CAPZA2: variants seen among roughly 807,000 people sequenced by gnomAD.
CAPZA2 encodes F-actin-capping protein subunit alpha-2.
CAPZA2 carries 13 observed loss-of-function variants against 44.0 expected under a neutral mutation model. The observed-to-expected ratio is 0.30, with a 90% CI of 0.19 to 0.47. The LOEUF is 0.47. CAPZA2 is among the 20% of genes least tolerant of loss of function. The probability of loss-of-function intolerance (pLI) is 1.00; values close to 1 mark genes in which losing one functional copy is unlikely to be tolerated. For missense variants in CAPZA2, 244 were observed against 338.6 expected (o/e 0.72, Z 2.19); for synonymous variants, 94 against 108.2 (o/e 0.87, Z 0.81).
intron 5 of CAPZA2, among the ~76,000 whole-genome samples, chr7:116,905,573 C>T (rs1232694053): frequency 1.3e-5 from 2 of 152,136 alleles, no homozygotes; most frequent in Non-Finnish European, 2.9e-5. Context: ...GTATCTAGCT[C>T]TCTGATTATT....
chr7:116,877,674 C>G (rs915150938), intron 1 of CAPZA2, among the ~76,000 whole-genome samples: 4 of 152,236 alleles, frequency 2.6e-5, no homozygotes, highest in Non-Finnish European at 5.9e-5. Context: ...GAGCTGTAGT[C>G]TGAATCCCTG....
rs548387606 is a variant in CAPZA2 at position 116,899,728 on chromosome 7, A to G, written c.219+893A>G. Among the ~76,000 whole-genome samples the G allele has an allele frequency of 7.4e-5, 11 of 149,320 alleles. No individual in the cohort carries two copies. In the East Asian group the frequency reaches 2.0e-3, roughly 27 times the overall value. On this transcript the variant is annotated intron_variant, in intron 4 of 9. Coordinates refer to ENST00000361183, the MANE Select transcript of CAPZA2 (RefSeq NM_006136.3). ...TATTAAACATCTTTGTACCTCTTATATTAACAATTTTTTTGGGATAAATTG... is the reference window on the plus strand; with the variant it reads ...TATTAAACATCTTTGTACCTCTTATGTTAACAATTTTTTTGGGATAAATTG...
intron 1 of CAPZA2, among the ~76,000 whole-genome samples, chr7:116,883,792 T>C (rs1183612081): frequency 6.6e-6 from 1 of 152,248 alleles, no homozygotes; most frequent in Non-Finnish European, 1.5e-5. Flanking sequence ...TATATTGCCT[T>C]TTTTGGAAAC....
chr7:116,890,033 A>G lies in CAPZA2; in HGVS notation c.103+1843A>G, dbSNP rs528778478. Reference sequence around the variant, plus strand: ...AAAAAGTGGCATGTAACTTAAATTGATAATGGTGAGACTGCACTAAAGTCA... The same window carrying G: ...AAAAAGTGGCATGTAACTTAAATTGGTAATGGTGAGACTGCACTAAAGTCA... On this transcript the variant is annotated intron_variant, in intron 2 of 9. Transcript: ENST00000361183. 3.9e-5 allele frequency among the ~76,000 whole-genome samples: 6 copies of G among 152,338 alleles called. No homozygotes were observed. In the South Asian group the frequency reaches 1.0e-3, roughly 26 times the overall value.
At position 116,904,322 on chromosome 7, in the gene CAPZA2, C is replaced by T; in HGVS notation, c.365C>T (p.Thr122Ile). 6.2e-7 allele frequency: 1 copy of T among 1,613,760 alleles called. No homozygotes were observed. The highest frequency in any genetic ancestry group is 8.5e-7 in the Non-Finnish European group (1 of 1,179,712). ...EVENAVESWR[T>I]SVETALRAYV... Reference sequence around the variant, plus strand: ...GAAAATGCAGTTGAATCATGGAGAACTTCAGTAGAAACTGCTCTGAGAGCT... The same window carrying T: ...GAAAATGCAGTTGAATCATGGAGAATTTCAGTAGAAACTGCTCTGAGAGCT... The change falls in exon 5 of 10, where the codon ACT becomes ATT. Residue 122 changes from threonine to isoleucine, a missense_variant. Coordinates refer to ENST00000361183, the MANE Select transcript of CAPZA2 (RefSeq NM_006136.3).
intron 9 of CAPZA2, among the ~76,000 whole-genome samples, chr7:116,916,821 T>C (rs115784437): frequency 0.016 from 2,442 of 152,330 alleles, 70 homozygotes; most frequent in African/African-American, 0.056. Context: ...CAGTGAGCAT[T>C]GCCTTTGAGT....
In CAPZA2 at chr7:116,916,465, A is replaced by G. The variant is rs1006585726; in HGVS notation, c.720+343A>G. Among the ~76,000 whole-genome samples the G allele has an allele frequency of 2.0e-5, 3 of 152,232 alleles. No homozygotes were observed. The East Asian group carries it at 5.8e-4, about 29-fold the overall frequency. On this transcript the variant is annotated intron_variant, in intron 9 of 9. Transcript: ENST00000361183. ...TGGTGAAACCCTGTCTCTACTAAAA[A>G]TACAAAAATTAGCTGTGTGTGGTGG... is the stretch of plus-strand genomic sequence containing the variant.
chr7:116,879,124 C>CAAAAA (rs71148337), intron 1 of CAPZA2, among the ~76,000 whole-genome samples: 1,458 of 42,414 alleles, frequency 0.034, no homozygotes, highest in Non-Finnish European at 0.048. Flanking sequence ...AACTCTGTCT[C>CAAAAA]AAAAAAAAAA....
intron 1 of CAPZA2, among the ~76,000 whole-genome samples, chr7:116,865,340 C>A: frequency 6.6e-6 from 1 of 151,840 alleles, no homozygotes. Context: ...CACATGCCAC[C>A]ATGCCCAGCT....
chr7:116,904,262 G>A lies in CAPZA2; in HGVS notation c.305G>A (p.Arg102Lys). The A allele has an allele frequency of 1.2e-6, 2 of 1,613,528 alleles. No individual in the cohort carries two copies. The highest frequency in any genetic ancestry group is 1.1e-5 in the South Asian group (1 of 91,072). Residue 102 changes from arginine (R) to lysine (K), a missense_variant, in exon 5 of 10, where the codon AGG (arginine) becomes AAG (lysine). Arg to Lys is a conservative substitution (Grantham distance 26). Transcript: ENST00000361183. The part of the protein sequence containing the change: ...NRICFKFDHL[R>K]KEATDPRPCE... ...ATCTGTTTTAAATTTGATCACTTAA[G>A]GAAGGAGGCAACTGATCCAAGACCC...
chr7:116,910,990 C>CAAAAAA (rs57772383), intron 7 of CAPZA2, among the ~76,000 whole-genome samples: 3 of 50,590 alleles, frequency 5.9e-5, no homozygotes, highest in Non-Finnish European at 1.2e-4. Flanking sequence ...GACTCCGTCT[C>CAAAAAA]AAAAAAAAAA....
At chr7:116,867,606 C>A (rs1337048382) in intron 1 of CAPZA2, among the ~76,000 whole-genome samples, 7 of 124,822 alleles carry the variant, frequency 5.6e-5, no homozygotes, top group Admixed American at 9.3e-5. Flanking sequence ...TTTTTTGAGA[C>A]AGATTCTCAC....
intron 1 of CAPZA2, among the ~76,000 whole-genome samples, chr7:116,872,528 C>G (rs1259975245): frequency 6.6e-6 from 1 of 152,090 alleles, no homozygotes; most frequent in African/African-American, 2.4e-5. Context: ...AAACAAATTA[C>G]CACTCTTAAG....
intron 1 of CAPZA2, among the ~76,000 whole-genome samples, chr7:116,863,726 TAA>T: frequency 1.3e-5 from 2 of 152,024 alleles, no homozygotes; most frequent in Admixed American, 1.3e-4. Flanking sequence ...CACTCTTCGT[TAA>T]AGAGTGCTTC....
intron 3 of CAPZA2, among the ~76,000 whole-genome samples, chr7:116,893,643 A>T (rs1796881288): frequency 6.6e-6 from 1 of 152,206 alleles, no homozygotes; most frequent in African/African-American, 2.4e-5. Flanking sequence ...GCAAAGTTGG[A>T]AGAAATTGTG....
chr7:116,871,299 A>G (rs1796551668), intron 1 of CAPZA2, among the ~76,000 whole-genome samples: 2 of 152,248 alleles, frequency 1.3e-5, no homozygotes, highest in South Asian at 4.1e-4. Context: ...AATTTCAAGA[A>G]GGAGCGGTGC....
intron 4 of CAPZA2, among the ~76,000 whole-genome samples, chr7:116,903,030 A>G (rs1226543131): frequency 6.6e-6 from 1 of 152,128 alleles, no homozygotes; most frequent in East Asian, 1.9e-4. Context: ...ACCATTTTTA[A>G]TGTGTTCCTC....
At chr7:116,905,138 C>CAAAA (rs1164804320) in intron 5 of CAPZA2, among the ~76,000 whole-genome samples, 1 of 79,286 alleles carries the variant, frequency 1.3e-5, no homozygotes, top group Non-Finnish European at 2.6e-5. Flanking sequence ...GACTCTGTCT[C>CAAAA]AAAAAAAAAA....
intron 4 of CAPZA2, among the ~76,000 whole-genome samples, chr7:116,900,285 G>A (rs950060472): frequency 6.6e-6 from 1 of 151,650 alleles, no homozygotes; most frequent in Admixed American, 6.6e-5. Flanking sequence ...ATCATAAATG[G>A]AGATGTAGCA....
Sources: allele counts gnomAD v4.1 joint callset (sites outside exome capture counted in the v4.1 genomes callset), GRCh38; gene constraint gnomAD v4.1.1; transcripts MANE v1.5; gene names NCBI Gene and HGNC (gene_info 2026-07-23, HGNC 2026-07-21).